ARMC2: variants seen among roughly 807,000 people sequenced by gnomAD.
ARMC2 encodes armadillo repeat containing 2, also known as armadillo repeat-containing protein 2.
ARMC2 carries 67 observed loss-of-function variants against 90.3 expected under a neutral mutation model. That is an observed-to-expected ratio of 0.74 (90% CI 0.61 to 0.91). The LOEUF (loss-of-function observed/expected upper bound fraction) is 0.91. Ranked by LOEUF, ARMC2 falls within the 40% of genes least tolerant of loss-of-function variation. The pLI, the probability that ARMC2 is intolerant of heterozygous loss-of-function variation, is 0.00. For missense variants in ARMC2, 920 were observed against 1,030.9 expected, an observed-to-expected ratio of 0.89 and a Z score of 1.47; for synonymous variants, 393 against 393.0, an observed-to-expected ratio of 1.00 and a Z score of 0.00.
At chr6:108,977,211 G>GA (rs1778999349), downstream of ARMC2, among the ~76,000 whole-genome samples, 1 of 100,234 alleles carries the variant, frequency 1.0e-5, no homozygotes, top group Non-Finnish European at 2.0e-5. Context: ...TTAGCATGAA[G>GA]GCTGTTGAAT....
chr6:108,994,771 C>G, the ARMC2 span, among the ~76,000 whole-genome samples: 1 of 144,524 alleles, frequency 6.9e-6, no homozygotes, highest in Admixed American at 7.2e-5. Flanking sequence ...GGCGCGATCT[C>G]GGCTCACTGC....
At chr6:108,998,759 AGGGG>A in the ARMC2 span, 1 of 1,598,540 alleles carries the variant, frequency 6.3e-7, no homozygotes, top group Non-Finnish European at 8.5e-7. Flanking sequence ...AAAGTCCCTT[AGGGG>A]GAAAAAAAAA....
the ARMC2 span, among the ~76,000 whole-genome samples, chr6:108,989,577 CTATA>C: frequency 1.2e-4 from 18 of 148,694 alleles, no homozygotes; most frequent in East Asian, 7.9e-4. Flanking sequence ...CTAGAGATAT[CTATA>C]TATAGAGAGA....
chr6:108,881,609 A>G (rs765795036), intron 5 of ARMC2, among the ~76,000 whole-genome samples: 5 of 152,146 alleles, frequency 3.3e-5, no homozygotes, highest in Non-Finnish European at 7.4e-5. Flanking sequence ...TGCCCTGTGT[A>G]AGGACTCCAT....
intron 1 of ARMC2, among the ~76,000 whole-genome samples, chr6:108,850,338 GTCCCTTGCCCTCTGGCTCCCCT>G (rs1773878639): frequency 6.6e-6 from 1 of 152,022 alleles, no homozygotes; most frequent in East Asian, 1.9e-4. Context: ...CTTTTAAAAG[GTCCCTTGCCCTCTGGCTCCCCT>G]AGGTTTGCAT....
chr6:108,982,544 C>G, the ARMC2 span, among the ~76,000 whole-genome samples: 1 of 152,162 alleles, frequency 6.6e-6, no homozygotes. Flanking sequence ...TTTGAGGAAC[C>G]TCCATCGTGT....
chr6:108,868,783 G>T, intron 3 of ARMC2, 41 bp from the exon 4 acceptor site: 1 of 1,593,566 alleles, frequency 6.3e-7, no homozygotes, highest in Non-Finnish European at 8.6e-7. Context: ...TATTTGAGAC[G>T]CAGAAAGTCA....
chr6:108,873,188 G>T (rs1002753608), intron 4 of ARMC2, among the ~76,000 whole-genome samples: 4 of 152,166 alleles, frequency 2.6e-5, no homozygotes, highest in African/African-American at 9.7e-5. Flanking sequence ...ACTGAAACTT[G>T]AATTTCATGT....
chr6:109,022,988 C>T, the ARMC2 span, among the ~76,000 whole-genome samples: 2 of 152,278 alleles, frequency 1.3e-5, no homozygotes, highest in South Asian at 2.1e-4. Context: ...ACCATCTTCT[C>T]CTGTCTTCCC....
intron 11 of ARMC2, among the ~76,000 whole-genome samples, chr6:108,930,899 C>CA (rs1775508790): frequency 6.8e-6 from 1 of 148,146 alleles, no homozygotes; most frequent in African/African-American, 2.6e-5. Flanking sequence ...CCGGCCCCCA[C>CA]CCCCTTTTTT....
chr6:108,885,904 A>G (rs1328913534), intron 5 of ARMC2, among the ~76,000 whole-genome samples: 4 of 152,184 alleles, frequency 2.6e-5, no homozygotes, highest in Admixed American at 6.5e-5. Context: ...AATAAACTGT[A>G]TTGGAACACA....
chr6:108,996,187 G>A, the ARMC2 span, among the ~76,000 whole-genome samples: 1 of 152,180 alleles, frequency 6.6e-6, no homozygotes, highest in Non-Finnish European at 1.5e-5. Context: ...GCTGGAGAAT[G>A]ACTCTCAGGA....
intron 17 of ARMC2, among the ~76,000 whole-genome samples, chr6:108,967,109 C>T (rs1042706443): frequency 6.6e-6 from 1 of 152,180 alleles, no homozygotes; most frequent in Non-Finnish European, 1.5e-5. Flanking sequence ...GGAAAGAATT[C>T]TCTCCCCACT....
the ARMC2 span, among the ~76,000 whole-genome samples, chr6:109,052,308 AT>A: frequency 6.6e-6 from 1 of 152,150 alleles, no homozygotes; most frequent in African/African-American, 2.4e-5. Flanking sequence ...TTTAAAGATA[AT>A]TTTTGTTATT....
At chr6:108,876,420 A>T in intron 5 of ARMC2, 70 bp downstream of exon 5, 1 of 1,462,226 alleles carries the variant, frequency 6.8e-7, no homozygotes, top group South Asian at 1.3e-5. Flanking sequence ...TCTCTATTTT[A>T]TATAGATGAT....
intron 7 of ARMC2, among the ~76,000 whole-genome samples, chr6:108,903,865 C>T (rs948291362): frequency 6.6e-6 from 1 of 152,124 alleles, no homozygotes; most frequent in Non-Finnish European, 1.5e-5. Flanking sequence ...AGTTGAAGGT[C>T]AAGATGCAAG....
chr6:109,039,509 TCA>T, the ARMC2 span, among the ~76,000 whole-genome samples: 2 of 152,310 alleles, frequency 1.3e-5, no homozygotes, highest in African/African-American at 4.8e-5. Flanking sequence ...AATCTGCAAA[TCA>T]CAGAGCTGTC....
At chr6:108,920,685 G>A (rs751333728) in intron 10 of ARMC2, among the ~76,000 whole-genome samples, 27 of 152,144 alleles carry the variant, frequency 1.8e-4, no homozygotes, top group Admixed American at 3.3e-4. Flanking sequence ...TTATCACCGT[G>A]GTTGGAGGAT....
chr6:109,047,560 C>G, the ARMC2 span, among the ~76,000 whole-genome samples: 2 of 139,936 alleles, frequency 1.4e-5, no homozygotes, highest in Non-Finnish European at 1.6e-5. Context: ...AGTGAGGAGC[C>G]CCTCTGCCCG....
Sources: allele counts gnomAD v4.1 joint callset (sites outside exome capture counted in the v4.1 genomes callset), GRCh38; gene constraint gnomAD v4.1.1; transcripts MANE v1.5; gene names NCBI Gene and HGNC (gene_info 2026-07-23, HGNC 2026-07-21).